ELOVL4: variants seen among roughly 807,000 people sequenced by gnomAD.
ELOVL4 encodes ELOVL fatty acid elongase 4.
A neutral mutation model predicts 42.1 loss-of-function variants in ELOVL4; 18 were observed. The ratio of observed to expected loss-of-function variants is 0.43; its 90% CI spans 0.30 to 0.63. The LOEUF is 0.63. Among genes scored for constraint, ELOVL4 ranks in the 30% least tolerant of loss-of-function variants. ELOVL4 has a pLI of 0.15. For synonymous variants in ELOVL4, 117 were observed against 127.0 expected, an observed-to-expected ratio of 0.92 and a Z score of 0.53; for missense variants, 299 against 376.2, an observed-to-expected ratio of 0.79 and a Z score of 1.70.
At position 79,915,229 on chromosome 6, in the gene ELOVL4, A is replaced by G. The variant is rs989425804; in HGVS notation, c.*1379T>C. On this transcript the variant is annotated 3_prime_UTR_variant, in exon 6 of 6. Transcript: ENST00000369816. ...CATCCCTTAAAAAATTAACCTATGT[A>G]GTAAAACATGATACAAATTCTTTCC... 1.3e-5 allele frequency: 2 copies of G among 152,490 alleles called. No homozygotes were observed. The highest frequency in any genetic ancestry group is 4.8e-5 in the African/African-American group (2 of 41,454). 9.4% of individuals were successfully genotyped at this position (152,490 alleles called of 1,614,324 possible).
intron 1 of ELOVL4, among the ~76,000 whole-genome samples, chr6:79,943,331 C>A (rs967203352): frequency 6.6e-6 from 1 of 152,132 alleles, no homozygotes; most frequent in Non-Finnish European, 1.5e-5. Flanking sequence ...GACTCACTGG[C>A]CTGACCCTTA....
rs1023629620 is a variant in ELOVL4, at chr6:79,915,166, T to G, written c.*1442A>C. ...CTTAAGAAATATTCATGCTTTTTTTTGGTCACATTTTGTCTTTCTCTAGTA... is the reference window on the plus strand; with the variant it reads ...CTTAAGAAATATTCATGCTTTTTTTGGGTCACATTTTGTCTTTCTCTAGTA... On this transcript the variant is annotated 3_prime_UTR_variant, in exon 6 of 6. Coordinates refer to ENST00000369816, the MANE Select transcript of ELOVL4 (RefSeq NM_022726.4). 1.3e-5 allele frequency: 2 copies of G among 152,366 alleles called. No individual in the cohort carries two copies. Among genetic ancestry groups the G allele is most frequent in the African/African-American group, 4.8e-5 (2 of 41,464 alleles). The allele number at this position is 152,366 out of a possible 1,614,324, so 9.4% of individuals were successfully genotyped here.
intron 2 of ELOVL4, among the ~76,000 whole-genome samples, chr6:79,925,550 T>G (rs1774328773): frequency 6.6e-6 from 1 of 152,196 alleles, no homozygotes; most frequent in Admixed American, 6.5e-5. Context: ...ATGAGTCTCT[T>G]AGGAAACAAA....
intron 1 of ELOVL4, among the ~76,000 whole-genome samples, chr6:79,940,694 A>G (rs239521): frequency 0.27 from 40,612 of 152,024 alleles, 7,649 homozygotes; most frequent in African/African-American, 0.54. Flanking sequence ...CTCTCACAGC[A>G]CAGGTAGAAA....
chr6:79,932,316 G>A (rs1270334484), intron 1 of ELOVL4, among the ~76,000 whole-genome samples: 3 of 152,004 alleles, frequency 2.0e-5, no homozygotes, highest in Admixed American at 6.6e-5. Flanking sequence ...CGAGGCAGGC[G>A]AATCACTTGA....
chr6:79,919,690 C>T lies in ELOVL4; in HGVS notation c.542-143G>A, dbSNP rs1774219769. ...TAGAAATGAAAAATATAAAGTAGTA[C>T]TAATGAAAAAGTTTTCCCTTCAGAT... On this transcript the variant is annotated intron_variant, in intron 4 of 5. Coordinates refer to ENST00000369816, the MANE Select transcript of ELOVL4 (RefSeq NM_022726.4). The T allele has an allele frequency of 5.3e-6, 4 of 753,568 alleles. No homozygotes were observed. The South Asian group carries it at 8.3e-5, about 16-fold the overall frequency. The allele number at this position is 753,568 out of a possible 1,614,324, so 46.7% of individuals were successfully genotyped here.
intron 4 of ELOVL4, among the ~76,000 whole-genome samples, chr6:79,921,149 T>C (rs541023724): frequency 2.6e-5 from 4 of 152,210 alleles, no homozygotes; most frequent in African/African-American, 9.6e-5. Flanking sequence ...AAAGTTATAC[T>C]TGCCTCAAAT....
chr6:79,927,417 C>T (rs1774362134), intron 1 of ELOVL4, among the ~76,000 whole-genome samples: 1 of 152,080 alleles, frequency 6.6e-6, no homozygotes. Flanking sequence ...TTAGAACCAA[C>T]CTAAATGAAT....
intron 5 of ELOVL4, among the ~76,000 whole-genome samples, chr6:79,918,533 G>A (rs1774198085): frequency 6.6e-6 from 1 of 152,136 alleles, no homozygotes; most frequent in Non-Finnish European, 1.5e-5. Context: ...TGAATCCTTC[G>A]CACCCAGCAT....
At position 79,916,707 on chromosome 6, in the gene ELOVL4, G is replaced by A. The variant is rs763404725; in HGVS notation, c.846C>T (p.Ala282=). ...EPKKPKAGKT[A]MNGISANGVS... is the part of the protein sequence containing the mutation. Reference sequence around the variant, plus strand: ...CACCATTTGCTGAAATACCATTCATGGCTGTTTTTCCAGCTTTTGGTTTCT... The same window carrying A: ...CACCATTTGCTGAAATACCATTCATAGCTGTTTTTCCAGCTTTTGGTTTCT... The change falls in exon 6 of 6, where the codon GCC becomes GCT. Residue 282 remains alanine (A), a synonymous_variant. Coordinates refer to ENST00000369816, the MANE Select transcript of ELOVL4 (RefSeq NM_022726.4). 2.5e-6 allele frequency: 4 copies of A among 1,613,984 alleles called. No individual in the cohort carries two copies. In the African/African-American group the frequency reaches 4.0e-5, roughly 16 times the overall value.
chr6:79,943,947 A>G (rs1261965344), intron 1 of ELOVL4, among the ~76,000 whole-genome samples: 1 of 152,148 alleles, frequency 6.6e-6, no homozygotes, highest in Non-Finnish European at 1.5e-5. Flanking sequence ...CTGCGAAAAG[A>G]GGGCCAATGC....
At chr6:79,919,270 GA>G in intron 5 of ELOVL4, 149 bp downstream of exon 5, 1 of 816,686 alleles carries the variant, frequency 1.2e-6, no homozygotes, top group Non-Finnish European at 2.0e-6. Context: ...AGGTCATCTA[GA>G]GTCAAGTGGG....
At chr6:79,923,995 T>C (rs1265314721) in intron 3 of ELOVL4, among the ~76,000 whole-genome samples, 1 of 150,326 alleles carries the variant, frequency 6.7e-6, no homozygotes, top group Non-Finnish European at 1.5e-5. Context: ...ACATATACTA[T>C]AGGTAACATA....
intron 5 of ELOVL4, among the ~76,000 whole-genome samples, chr6:79,917,683 T>C (rs1041004951): frequency 3.3e-5 from 5 of 152,020 alleles, no homozygotes. Flanking sequence ...TAGCCAGGTG[T>C]GGTGGTCCAT....
rs1002532899 is a variant in ELOVL4, at chr6:79,921,534, T to C, written c.541+91A>G. ...TTAACCATGAAAGCAAGTTAAATGG[T>C]AGATCAAGTCAAAGTCCTAGGTTCT... is the stretch of plus-strand genomic sequence containing the variant. On this transcript the variant is annotated intron_variant, in intron 4 of 5. Transcript: ENST00000369816. 2.0e-5 allele frequency: 19 copies of C among 962,630 alleles called. 1 individual carries two copies. Among genetic ancestry groups the C allele is most frequent in the East Asian group, 7.8e-5 (3 of 38,642 alleles). The allele number at this position is 962,630 out of a possible 1,614,324, so 59.6% of individuals were successfully genotyped here.
rs757911063 is a variant in ELOVL4, at chr6:79,947,237, C to T, written c.43G>A (p.Val15Met). Reference sequence around the variant, plus strand: ...ACCGTGTCGTTGAGTGCCGTGGACACTACGTTTAGGACACTACCCGGCTCC... The same window carrying T: ...ACCGTGTCGTTGAGTGCCGTGGACATTACGTTTAGGACACTACCCGGCTCC... ...DSEPGSVLNV[V>M]STALNDTVEF... Residue 15 changes from valine to methionine, a missense_variant, in exon 1 of 6, where the codon GTG (valine) becomes ATG (methionine). Coordinates refer to ENST00000369816, the MANE Select transcript of ELOVL4 (RefSeq NM_022726.4). 1.9e-6 allele frequency: 3 copies of T among 1,613,266 alleles called. No homozygotes were observed. The highest frequency in any genetic ancestry group is 3.3e-5 in the Admixed American group (2 of 59,986).
At position 79,947,433 on chromosome 6, in the gene ELOVL4, C is replaced by G; in HGVS notation, c.-154G>C. The stretch of plus-strand genomic sequence containing the variant: ...CGTCTTCTCCTGCTCCTCAAGGCGC[C>G]GCGGCGGCGGGGATGCGGCAGAAGG... On this transcript the variant is annotated 5_prime_UTR_variant, in exon 1 of 6. Transcript: ENST00000369816. 1.5e-6 allele frequency: 1 copy of G among 659,410 alleles called. No individual in the cohort carries two copies. Among genetic ancestry groups the G allele is most frequent in the Non-Finnish European group, 2.7e-6 (1 of 371,856 alleles). 40.8% of individuals were successfully genotyped at this position (659,410 alleles called of 1,614,324 possible). A position where few individuals can be genotyped will look rare whatever the true frequency, so the allele number is the denominator to read the frequency against.
At chr6:79,928,405 A>G (rs1774380690) in intron 1 of ELOVL4, among the ~76,000 whole-genome samples, 1 of 152,202 alleles carries the variant, frequency 6.6e-6, no homozygotes. Context: ...ACTGACTTCA[A>G]AGAAAGTTCT....
Position 79,916,502 on chromosome 6 carries a change from CT to C in ELOVL4, c.*105del. On this transcript the variant is annotated 3_prime_UTR_variant, in exon 6 of 6. Coordinates refer to ENST00000369816, the MANE Select transcript of ELOVL4 (RefSeq NM_022726.4). ...TTACTAGGACATAGAGCACATTTGT[CT>C]TTTCTCCCCACCCCCAAGCTCTCCT... The C allele has an allele frequency of 7.3e-7, 1 of 1,374,666 alleles. No homozygotes were observed. The highest frequency in any genetic ancestry group is 1.0e-6 in the Non-Finnish European group (1 of 972,572). 85.2% of individuals were successfully genotyped at this position (1,374,666 alleles called of 1,614,324 possible).
Sources: allele counts gnomAD v4.1 joint callset (sites outside exome capture counted in the v4.1 genomes callset), GRCh38; gene constraint gnomAD v4.1.1; transcripts MANE v1.5; gene names NCBI Gene and HGNC (gene_info 2026-07-23, HGNC 2026-07-21).